The following ACSL3 variants were observed in gnomAD, a reference collection of about 807,000 sequenced individuals.
The protein encoded by ACSL3 is fatty acid CoA ligase Acsl3.
Under a neutral mutation model 84.7 loss-of-function variants are expected in ACSL3, and 34 were observed. That is an observed-to-expected ratio of 0.40 (90% confidence interval 0.31 to 0.53). The LOEUF (loss-of-function observed/expected upper bound fraction) is 0.53, where lower values mean the gene tolerates loss of function less well. Ranked by LOEUF, ACSL3 falls within the 20% of genes least tolerant of loss-of-function variation. The probability of loss-of-function intolerance (pLI) is 0.48; values close to 1 mark genes in which losing one functional copy is unlikely to be tolerated. For missense variants in ACSL3, 680 were observed against 873.1 expected, an observed-to-expected ratio of 0.78 and a Z score of 2.79; for synonymous variants, 315 against 299.4, an observed-to-expected ratio of 1.05 and a Z score of -0.54.
intron 1 of ACSL3, among the ~76,000 whole-genome samples, chr2:222,883,692 C>A (rs1178389278): frequency 2.0e-5 from 1 of 50,122 alleles, no homozygotes; most frequent in Non-Finnish European, 3.4e-5. Context: ...GAATTTTTGC[C>A]TCTTTGTTCT....
intron 1 of ACSL3, among the ~76,000 whole-genome samples, chr2:222,866,438 GC>G (rs1559273199): frequency 1.2e-4 from 18 of 152,040 alleles, no homozygotes; most frequent in African/African-American, 1.9e-4. Flanking sequence ...GAGCTACTGC[GC>G]TGACTGCAAA....
At position 222,918,939 on chromosome 2, in the gene ACSL3, CCTTT is replaced by C. The variant is rs1696656446; in HGVS notation, c.667-121_667-118del. 6 of 1,093,210 alleles carry C rather than the reference CCTTT, an allele frequency of 5.5e-6. No individual in the cohort carries two copies. In the African/African-American group the frequency reaches 9.6e-5, roughly 17 times the overall value. 67.7% of individuals were successfully genotyped at this position (1,093,210 alleles called of 1,614,324 possible). A position where few individuals can be genotyped will look rare whatever the true frequency, so the allele number is the denominator to read the frequency against. ...AAAAAGTGATATTATGCCAGTGTAC[CCTTT>C]CTTCTTTCTTTTTTGAGGCAAGAAA... On this transcript the variant is annotated intron_variant, in intron 6 of 16. Coordinates refer to ENST00000357430, the MANE Select transcript of ACSL3 (RefSeq NM_004457.5).
intron 12 of ACSL3, among the ~76,000 whole-genome samples, 181 bp from the exon 13 acceptor site, chr2:222,928,681 C>T (rs1696946383): frequency 6.6e-6 from 1 of 151,284 alleles, no homozygotes; most frequent in South Asian, 2.1e-4. Flanking sequence ...TCAATGTAGG[C>T]CAAAAAATAC....
chr2:222,862,408 C>T (rs1302558622), intron 1 of ACSL3, among the ~76,000 whole-genome samples: 1 of 152,158 alleles, frequency 6.6e-6, no homozygotes, highest in African/African-American at 2.4e-5. Flanking sequence ...ATAGTTTCCA[C>T]AGTGGATTTT....
chr2:222,941,127 G>A (rs542938057), intron 16 of ACSL3, among the ~76,000 whole-genome samples: 1 of 151,882 alleles, frequency 6.6e-6, no homozygotes, highest in African/African-American at 2.4e-5. Context: ...ACAAGGTCTC[G>A]CTATGTTACC....
intron 8 of ACSL3, among the ~76,000 whole-genome samples, chr2:222,921,631 A>T (rs948633812): frequency 2.0e-5 from 3 of 152,178 alleles, no homozygotes; most frequent in Non-Finnish European, 4.4e-5. Flanking sequence ...TATCATATAG[A>T]TATATTTTAA....
intron 8 of ACSL3, among the ~76,000 whole-genome samples, chr2:222,922,451 A>G (rs1276603057): frequency 1.3e-5 from 2 of 152,228 alleles, no homozygotes; most frequent in Non-Finnish European, 2.9e-5. Flanking sequence ...TAGGACGGGA[A>G]ACAGCATTCC....
chr2:222,884,175 T>C (rs944330535), intron 1 of ACSL3, among the ~76,000 whole-genome samples: 1 of 152,224 alleles, frequency 6.6e-6, no homozygotes, highest in Non-Finnish European at 1.5e-5. Context: ...TTCTAGTTTC[T>C]TTTTCCACAA....
At chr2:222,925,591 C>CT (rs940928404) in intron 11 of ACSL3, among the ~76,000 whole-genome samples, 13 of 152,264 alleles carry the variant, frequency 8.5e-5, no homozygotes, top group Middle Eastern at 3.4e-3. Context: ...AAGTGAGACT[C>CT]TGTCTCTTTA....
chr2:222,926,948 T>G, intron 11 of ACSL3, 69 bp from the exon 12 acceptor site: 3 of 1,496,608 alleles, frequency 2.0e-6, no homozygotes, highest in African/African-American at 1.4e-5. Flanking sequence ...AACTGGGGGA[T>G]TAGTTTAAGT....
intron 3 of ACSL3, among the ~76,000 whole-genome samples, chr2:222,904,117 C>A (rs987728393): frequency 3.2e-4 from 49 of 152,160 alleles, no homozygotes; most frequent in Middle Eastern, 3.4e-3. Flanking sequence ...ACTAAAAATA[C>A]AAAATTAGCC....
intron 12 of ACSL3, 75 bp from the exon 13 acceptor site, chr2:222,928,787 T>G: frequency 8.2e-7 from 1 of 1,218,668 alleles, no homozygotes; most frequent in Non-Finnish European, 1.2e-6. Context: ...AAATAATCAT[T>G]TTTGGTAATT....
chr2:222,918,284 T>G (rs1696639616), intron 6 of ACSL3, 129 bp downstream of exon 6: 1 of 482,620 alleles, frequency 2.1e-6, no homozygotes. Context: ...ATGAATATCA[T>G]ACTTTATTTT....
intron 7 of ACSL3, chr2:222,920,833 C>G (rs1003624296): frequency 7.2e-5 from 27 of 376,756 alleles, no homozygotes; most frequent in African/African-American, 5.5e-4. Context: ...TCCAGCCACA[C>G]TCCTTGCTGG....
rs932149364 is a variant in ACSL3 at position 222,943,975 on chromosome 2, G to A, written c.*2321G>A. 1.3e-5 allele frequency: 2 copies of A among 152,030 alleles called. No homozygotes were observed. The highest frequency in any genetic ancestry group is 2.9e-5 in the Non-Finnish European group (2 of 67,968). 9.4% of individuals were successfully genotyped at this position (152,030 alleles called of 1,614,324 possible). A position where few individuals can be genotyped will look rare whatever the true frequency, so the allele number is the denominator to read the frequency against. On this transcript the variant is annotated 3_prime_UTR_variant, in exon 17 of 17. Coordinates refer to ENST00000357430, the MANE Select transcript of ACSL3 (RefSeq NM_004457.5). ...CTATTGTTTACTGGGAATAAACTAA[G>A]CTCTATGAAGAATTCGTAAGCATTA...
Position 222,918,141 on chromosome 2 carries a change from C to G in ACSL3, c.652C>G (p.Gln218Glu). 6.2e-7 allele frequency: 1 copy of G among 1,608,822 alleles called. No individual in the cohort carries two copies. Among genetic ancestry groups the G allele is most frequent in the Middle Eastern group, 1.7e-4 (1 of 6,046 alleles). ...CATCATTACTAGTAAAGAACTCTTA[C>G]AAACAAAGTTGAAGGTGAGGACTCT... ...TNIITSKELL[Q>E]TKLKDIVSLV... Residue 218 changes from glutamine (Q) to glutamate (E), a missense_variant, in exon 6 of 17, where the codon CAA (glutamine) becomes GAA (glutamate). This residue lies in a region of ACSL3 where 333 missense variants were observed against 347.5 expected (regional missense o/e 0.96). Transcript: ENST00000357430.
intron 7 of ACSL3, chr2:222,920,991 G>T: frequency 3.8e-6 from 2 of 528,186 alleles, no homozygotes; most frequent in Non-Finnish European, 7.6e-6. Context: ...ACTCTACAGA[G>T]ACGGTCTCCA....
intron 2 of ACSL3, among the ~76,000 whole-genome samples, chr2:222,894,576 G>A (rs1368457534): frequency 6.6e-6 from 1 of 152,108 alleles, no homozygotes; most frequent in African/African-American, 2.4e-5. Context: ...ATTTTAATTA[G>A]CAGTTGTGAG....
intron 4 of ACSL3, among the ~76,000 whole-genome samples, chr2:222,914,399 G>A (rs531381904): frequency 1.3e-5 from 2 of 152,084 alleles, no homozygotes; most frequent in African/African-American, 4.8e-5. Context: ...AGGTAGCTGG[G>A]ACGACAGGCA....
Sources: allele counts gnomAD v4.1 joint callset (sites outside exome capture counted in the v4.1 genomes callset), GRCh38; gene constraint gnomAD v4.1.1; regional missense constraint gnomAD v4.1.1; transcripts MANE v1.5; gene names NCBI Gene and HGNC (gene_info 2026-07-23, HGNC 2026-07-21).